The following TRIM4 variants were observed in gnomAD, a reference collection of about 807,000 sequenced individuals.
TRIM4 encodes the protein E3 ubiquitin-protein ligase TRIM4.
A neutral mutation model predicts 33.7 loss-of-function variants in TRIM4; 29 were observed. That is an observed-to-expected ratio of 0.86 (90% CI 0.64 to 1.17). TRIM4 has a LOEUF of 1.17. Ranked by LOEUF, TRIM4 falls within the 50% of genes most tolerant of loss-of-function variation. The probability of loss-of-function intolerance (pLI) is 0.00; values close to 1 mark genes in which losing one functional copy is unlikely to be tolerated. For synonymous variants in TRIM4, 224 were observed against 233.0 expected (o/e 0.96, Z 0.35); for missense variants, 554 against 593.7 (o/e 0.93, Z 0.69).
chr7:99,915,644 G>A (rs1421459305), intron 1 of TRIM4, among the ~76,000 whole-genome samples: 2 of 152,160 alleles, frequency 1.3e-5, no homozygotes, highest in African/African-American at 4.8e-5. Context: ...ACTTGGGGTG[G>A]GGATGGAATG....
At chr7:99,910,411 G>C (rs183938931) in intron 1 of TRIM4, among the ~76,000 whole-genome samples, 13 of 152,170 alleles carry the variant, frequency 8.5e-5, no homozygotes, top group African/African-American at 3.1e-4. Context: ...CCACTAATTA[G>C]GAATTATTAA....
At chr7:99,917,846 G>A in intron 1 of TRIM4, 4 of 985,430 alleles carry the variant, frequency 4.1e-6, no homozygotes, top group Non-Finnish European at 3.6e-6. Flanking sequence ...CTCTGGAAAG[G>A]ATGATCAGGG....
chr7:99,909,913 G>T (rs773114128), intron 1 of TRIM4, among the ~76,000 whole-genome samples: 5 of 151,138 alleles, frequency 3.3e-5, no homozygotes, highest in African/African-American at 1.2e-4. Flanking sequence ...TTTATGTTTC[G>T]TAGAGACAAA....
intron 1 of TRIM4, among the ~76,000 whole-genome samples, chr7:99,915,925 C>G (rs1439211126): frequency 6.6e-6 from 1 of 152,162 alleles, no homozygotes; most frequent in Non-Finnish European, 1.5e-5. Context: ...GACCTCAGTT[C>G]AAGCATAGCC....
intron 5 of TRIM4, among the ~76,000 whole-genome samples, chr7:99,900,851 G>A (rs1301463370): frequency 1.3e-5 from 2 of 152,050 alleles, no homozygotes. Context: ...CCTCTCCCCT[G>A]GTTGCATTTA....
chr7:99,913,625 C>T (rs373721214), intron 1 of TRIM4, among the ~76,000 whole-genome samples: 2 of 152,078 alleles, frequency 1.3e-5, no homozygotes, highest in African/African-American at 4.8e-5. Flanking sequence ...GAGCTGGGAT[C>T]GCGCCACTGC....
chr7:99,894,671 C>A (rs375225704), intron 5 of TRIM4, among the ~76,000 whole-genome samples: 12 of 149,942 alleles, frequency 8.0e-5, no homozygotes, highest in South Asian at 2.1e-4. Context: ...CATCCCCCCC[C>A]CAAAAAAAAA....
intron 5 of TRIM4, among the ~76,000 whole-genome samples, chr7:99,899,501 G>A (rs1026101389): frequency 2.0e-5 from 3 of 152,036 alleles, no homozygotes; most frequent in African/African-American, 7.2e-5. Flanking sequence ...AAGTCAGTAG[G>A]GGACTGGCAC....
At chr7:99,904,925 G>A (rs971759650) in intron 3 of TRIM4, among the ~76,000 whole-genome samples, 15 of 152,128 alleles carry the variant, frequency 9.9e-5, no homozygotes, top group African/African-American at 2.2e-4. Flanking sequence ...CCAGCTACTC[G>A]GGAGGCTGAG....
intron 1 of TRIM4, among the ~76,000 whole-genome samples, chr7:99,912,248 A>T (rs1406635172): frequency 2.6e-5 from 4 of 152,224 alleles, no homozygotes; most frequent in Admixed American, 6.5e-5. Flanking sequence ...AAAATACCAT[A>T]GGCCAGGCAC....
Position 99,919,264 on chromosome 7 carries a change from C to G in TRIM4, c.138G>C (p.Pro46=), listed in dbSNP as rs370168345. ...LHRNWAPGGG[P]FPCPECRHPS... ...GGTGCCGACATTCGGGGCAGGGGAA[C>G]GGGCCGCCGCCCGGCGCCCAGTTGC... is the stretch of plus-strand genomic sequence containing the variant. Residue 46 remains proline (P), a synonymous_variant, in exon 1 of 6, where the codon CCG becomes CCC. Transcript: ENST00000349062. The G allele has an allele frequency of 1.3e-6, 2 of 1,544,366 alleles. No homozygotes were observed. The highest frequency in any genetic ancestry group is 2.5e-5 in the East Asian group (1 of 40,004).
At chr7:99,908,517 GC>G in intron 3 of TRIM4, 64 bp downstream of exon 3, 1 of 1,296,920 alleles carries the variant, frequency 7.7e-7, no homozygotes, top group South Asian at 1.4e-5. Flanking sequence ...AGGACATTCA[GC>G]TCTAAAGACA....
intron 1 of TRIM4, among the ~76,000 whole-genome samples, chr7:99,914,153 G>A (rs1041232459): frequency 5.9e-5 from 9 of 152,024 alleles, no homozygotes; most frequent in African/African-American, 1.9e-4. Context: ...ATAACCTCCC[G>A]ACTGCCCTCC....
chr7:99,909,155 T>C (rs1221089680), intron 2 of TRIM4, among the ~76,000 whole-genome samples: 3 of 151,018 alleles, frequency 2.0e-5, no homozygotes, highest in Admixed American at 6.6e-5. Context: ...TGTGTGTGTG[T>C]GTGCGTGTGT....
intron 1 of TRIM4, among the ~76,000 whole-genome samples, chr7:99,911,730 A>C (rs1819446803): frequency 6.6e-6 from 1 of 152,224 alleles, no homozygotes; most frequent in Non-Finnish European, 1.5e-5. Context: ...ATTTTGGAAG[A>C]AGGTTCAGTG....
At position 99,919,218 on chromosome 7, in the gene TRIM4, G is replaced by C. The variant is rs1424721331; in HGVS notation, c.184C>G (p.Arg62Gly). 15 of 1,515,802 alleles carry C rather than the reference G, an allele frequency of 9.9e-6. No individual in the cohort carries two copies. Among genetic ancestry groups the C allele is most frequent in the Non-Finnish European group, 1.3e-5 (15 of 1,132,684 alleles). 93.9% of individuals were successfully genotyped at this position (1,515,802 alleles called of 1,614,324 possible). ...AGCCTGGCCAGGGCCCAGTTGGGTC[G>C]CAGCGCGGCGGGCGCCGATGGGTGC... Reference protein sequence around the residue: ...CRHPSAPAALRPNWALARLTE... With the variant: ...CRHPSAPAALGPNWALARLTE... Residue 62 changes from arginine (R) to glycine (G), a missense_variant, in exon 1 of 6, where the codon CGA (arginine) becomes GGA (glycine). Arg to Gly is a moderately radical substitution (Grantham distance 125). Around this residue, in one of 3 missense-constraint regions of TRIM4, gnomAD observed 233 missense variants for 203.1 expected, o/e 1.15. Transcript: ENST00000349062.
chr7:99,919,384 G>T lies in TRIM4; in HGVS notation c.18C>A (p.Ile6=), dbSNP rs773110031. The T allele has an allele frequency of 3.2e-6, 5 of 1,570,924 alleles. No individual in the cohort carries two copies. In the South Asian group the frequency reaches 3.5e-5, roughly 11 times the overall value. MEAED[I]QEELTCPICL... is the part of the protein sequence containing the mutation. Reference sequence around the variant, plus strand: ...AGATGGGGCAGGTCAACTCCTCCTGGATGTCCTCAGCTTCCATGCTGCTTC... The same window carrying T: ...AGATGGGGCAGGTCAACTCCTCCTGTATGTCCTCAGCTTCCATGCTGCTTC... The change falls in exon 1 of 6, where the codon ATC becomes ATA. Residue 6 remains isoleucine (I), a synonymous_variant. Coordinates refer to ENST00000349062, the MANE Select transcript of TRIM4 (RefSeq NM_033091.3).
At chr7:99,911,255 A>G (rs1445897766) in intron 1 of TRIM4, among the ~76,000 whole-genome samples, 1 of 152,218 alleles carries the variant, frequency 6.6e-6, no homozygotes, top group Non-Finnish European at 1.5e-5. Context: ...ACTGGCAACA[A>G]CTACATTTAA....
At position 99,900,386 on chromosome 7, in the gene TRIM4, T is replaced by C. The variant is rs554691222; in HGVS notation, c.841+2832A>G. Among the ~76,000 whole-genome samples the C allele has an allele frequency of 3.3e-5, 5 of 152,206 alleles. No homozygotes were observed. In the South Asian group the frequency reaches 1.0e-3, roughly 32 times the overall value. ...ACTTAAATGTTAATCTTATCCAAAA[T>C]CACCCTCAAAAAAACACCCAAAATA... On this transcript the variant is annotated intron_variant, in intron 5 of 5. Transcript: ENST00000349062.
Sources: allele counts gnomAD v4.1 joint callset (sites outside exome capture counted in the v4.1 genomes callset), GRCh38; gene constraint gnomAD v4.1.1; regional missense constraint gnomAD v4.1.1; transcripts MANE v1.5; gene names NCBI Gene and HGNC (gene_info 2026-07-23, HGNC 2026-07-21).